SPATA13: variants seen among roughly 807,000 people sequenced by gnomAD.
SPATA13 encodes spermatogenesis-associated protein 13.
A neutral mutation model predicts 104.0 loss-of-function variants in SPATA13; 50 were observed. The observed-to-expected ratio is 0.48, with a 90% CI of 0.38 to 0.61. The LOEUF is 0.61. Ranked by LOEUF, SPATA13 falls within the 20% of genes least tolerant of loss-of-function variation. The pLI is 0.00. For synonymous variants in SPATA13, 606 were observed against 667.5 expected, an observed-to-expected ratio of 0.91 and a Z score of 1.42; for missense variants, 1,524 against 1,690.6, an observed-to-expected ratio of 0.90 and a Z score of 1.73.
intron 4 of SPATA13, among the ~76,000 whole-genome samples, chr13:24,277,458 AAAAAG>A (rs1367764868): frequency 5.7e-5 from 8 of 139,526 alleles, no homozygotes; most frequent in Admixed American, 1.5e-4. Flanking sequence ...AAAAAAAAAA[AAAAAG>A]AAGAAGTTCA....
chr13:24,242,988 ACTT>A (rs1473900161), intron 2 of SPATA13, among the ~76,000 whole-genome samples: 1 of 152,204 alleles, frequency 6.6e-6, no homozygotes, highest in African/African-American at 2.4e-5. Flanking sequence ...TACTTTTTTG[ACTT>A]CTTAAGTTGT....
Position 24,233,886 on chromosome 13 carries a change from AACACACACACAC to A in SPATA13, c.1653+9335_1653+9346del, listed in dbSNP as rs10571334. ...CAGGCTACAGAACTTTATACACTTA[AACACACACACAC>A]ACACACACACACACACACACACACA... On this transcript the variant is annotated intron_variant, in intron 2 of 12. Coordinates refer to ENST00000382108, the MANE Select transcript of SPATA13 (RefSeq NM_001166271.3). Among the ~76,000 whole-genome samples, 1,170 of 147,662 alleles carry A rather than the reference AACACACACACAC, an allele frequency of 7.9e-3. 26 individuals are homozygous for A. Among genetic ancestry groups the A allele is most frequent in the African/African-American group, 0.026 (1,047 of 40,086 alleles).
chr13:24,012,831 C>T (rs1428680792), intron 2 of SPATA13, among the ~76,000 whole-genome samples: 1 of 152,222 alleles, frequency 6.6e-6, no homozygotes, highest in Admixed American at 6.5e-5. Flanking sequence ...ACAGTGGCAT[C>T]TGTTTGGTTT....
chr13:24,004,940 A>G (rs1449822041), intron 2 of SPATA13, among the ~76,000 whole-genome samples: 1 of 152,144 alleles, frequency 6.6e-6, no homozygotes, highest in African/African-American at 2.4e-5. Context: ...ATCACAATCT[A>G]TTTACTGTCT....
chr13:24,276,918 G>A (rs952644533), intron 4 of SPATA13, among the ~76,000 whole-genome samples: 1 of 152,186 alleles, frequency 6.6e-6, no homozygotes, highest in South Asian at 2.1e-4. Context: ...GCATTGACAC[G>A]CTGTGGACTA....
chr13:24,042,788 T>C (rs1877982890), intron 3 of SPATA13, among the ~76,000 whole-genome samples: 1 of 152,226 alleles, frequency 6.6e-6, no homozygotes, highest in Non-Finnish European at 1.5e-5. Context: ...AGCCCAAGAA[T>C]CTGCATCTTA....
chr13:24,296,727 A>C (rs1021619292), intron 10 of SPATA13, among the ~76,000 whole-genome samples: 2 of 152,124 alleles, frequency 1.3e-5, no homozygotes, highest in Non-Finnish European at 2.9e-5. Flanking sequence ...TTAATTCAGC[A>C]TGCCTCTTAC....
intron 1 of SPATA13, among the ~76,000 whole-genome samples, chr13:24,221,819 T>C (rs918962148): frequency 1.9e-4 from 29 of 150,542 alleles, no homozygotes; most frequent in Non-Finnish European, 3.9e-4. Flanking sequence ...TTTTTTTTTT[T>C]TTTTTTTGAG....
chr13:24,121,975 G>T, intron 3 of SPATA13: 1 of 860,994 alleles, frequency 1.2e-6, no homozygotes, highest in Non-Finnish European at 2.0e-6. Flanking sequence ...CATTAGTTTA[G>T]AGTAGATAAC....
Position 24,197,172 on chromosome 13 carries a change from A to G in SPATA13, c.-111-25647A>G, listed in dbSNP as rs982039585. ...AGAGGAAGACATATATCTTTAATTT[A>G]CTCTCCAGGTCCTCCATAACTGCTA... On this transcript the variant is annotated intron_variant, in intron 1 of 12. Coordinates refer to ENST00000382108, the MANE Select transcript of SPATA13 (RefSeq NM_001166271.3). Among the ~76,000 whole-genome samples, 16 of 152,232 alleles carry G rather than the reference A, an allele frequency of 1.1e-4. No individual in the cohort carries two copies. In the East Asian group the frequency reaches 2.5e-3, roughly 24 times the overall value.
intron 3 of SPATA13, among the ~76,000 whole-genome samples, chr13:24,094,555 C>G (rs114355176): frequency 1.6e-4 from 24 of 152,262 alleles, no homozygotes; most frequent in African/African-American, 5.5e-4. Flanking sequence ...CTTATTCTTT[C>G]TTTATGCTTA....
chr13:24,002,684 C>T (rs1423623229), intron 2 of SPATA13, among the ~76,000 whole-genome samples: 1 of 152,134 alleles, frequency 6.6e-6, no homozygotes, highest in African/African-American at 2.4e-5. Flanking sequence ...TCGTCCGGCT[C>T]CTTGAGGAAG....
intron 1 of SPATA13, among the ~76,000 whole-genome samples, chr13:24,190,035 T>TAATA (rs1869531775): frequency 1.1e-5 from 1 of 90,780 alleles, no homozygotes; most frequent in African/African-American, 5.1e-5. Context: ...TGATATACAA[T>TAATA]ATATATTATT....
chr13:24,298,446 G>C (rs1876946185), intron 11 of SPATA13, among the ~76,000 whole-genome samples: 1 of 152,218 alleles, frequency 6.6e-6, no homozygotes, highest in South Asian at 2.1e-4. Flanking sequence ...TGCTGACCTG[G>C]AGGTGCAGTG....
chr13:24,208,857 T>C (rs1247117007), intron 1 of SPATA13, among the ~76,000 whole-genome samples: 3 of 152,166 alleles, frequency 2.0e-5, no homozygotes, highest in African/African-American at 7.2e-5. Context: ...CAAGTGAGAG[T>C]CTCAAGAGGT....
chr13:24,076,365 A>C (rs1417418290), intron 3 of SPATA13, among the ~76,000 whole-genome samples: 1 of 152,198 alleles, frequency 6.6e-6, no homozygotes, highest in African/African-American at 2.4e-5. Context: ...AGGGATGATG[A>C]AATAAATCAA....
chr13:24,137,103 T>C (rs1881599310), intron 3 of SPATA13, among the ~76,000 whole-genome samples: 1 of 35,140 alleles, frequency 2.8e-5, no homozygotes, highest in Non-Finnish European at 6.4e-5. Flanking sequence ...GTGCTGGGAT[T>C]ACAGGCGTGA....
At chr13:24,054,499 A>G (rs1878469113) in intron 3 of SPATA13, among the ~76,000 whole-genome samples, 1 of 152,230 alleles carries the variant, frequency 6.6e-6, no homozygotes, top group South Asian at 2.1e-4. Context: ...TGCAAGGACC[A>G]TATTGTAAGC....
chr13:24,294,911 T>G, intron 10 of SPATA13, 43 bp downstream of exon 10: 1 of 1,574,132 alleles, frequency 6.4e-7, no homozygotes, highest in African/African-American at 1.3e-5. Flanking sequence ...CACTCGCCCT[T>G]CCCGCACCTT....
Sources: gnomAD v4.1 joint callset for allele counts (sites outside exome capture counted in the v4.1 genomes callset) on GRCh38, gnomAD v4.1.1 for gene constraint, MANE v1.5 for transcripts, NCBI Gene and HGNC (gene_info 2026-07-23, HGNC 2026-07-21) for gene names.